The following PCDH15 variants were observed in gnomAD, a reference collection of about 807,000 sequenced individuals.
PCDH15 encodes protocadherin-15.
PCDH15 carries 129 observed loss-of-function variants against 178.5 expected under a neutral mutation model. That is an observed-to-expected ratio of 0.72 (90% CI 0.63 to 0.84). The LOEUF (loss-of-function observed/expected upper bound fraction) is 0.84, where lower values mean the gene tolerates loss of function less well. Among genes scored for constraint, PCDH15 ranks in the 40% least tolerant of loss-of-function variants. The pLI is 0.00. For missense variants in PCDH15, 2,230 were observed against 2,099.9 expected, an observed-to-expected ratio of 1.06 and a Z score of -1.21; for synonymous variants, 800 against 732.0, an observed-to-expected ratio of 1.09 and a Z score of -1.50.
rs2134302359 is a variant in PCDH15, at chr10:53,961,857, A to T, written c.2904T>A (p.Asp968Glu). Residue 968 changes from aspartate (D) to glutamate (E), a missense_variant, in exon 22 of 38, where the codon GAT (aspartate) becomes GAA (glutamate). By Grantham distance (45) the Asp-to-Glu change is conservative. Transcript: ENST00000644397. ...TGGCAGGGTAAGGAAACTGTACATCATCTACTCTATACCTCACACGACTTG... is the reference window on the plus strand; with the variant it reads ...TGGCAGGGTAAGGAAACTGTACATCTTCTACTCTATACCTCACACGACTTG... ...LPASRVRYRV[D>E]DVQFPYPASI... 2.5e-6 allele frequency: 4 copies of T among 1,610,568 alleles called. No individual in the cohort carries two copies. The highest frequency in any genetic ancestry group is 1.7e-4 in the Middle Eastern group (1 of 6,050).
intron 18 of PCDH15, among the ~76,000 whole-genome samples, chr10:54,056,357 T>A (rs2093887235): frequency 6.6e-6 from 1 of 152,158 alleles, no homozygotes; most frequent in Admixed American, 6.5e-5. Flanking sequence ...GACTGGATAA[T>A]TTATAAAAGA....
intron 2 of PCDH15, among the ~76,000 whole-genome samples, chr10:55,158,059 A>AGTGTGTGTGT (rs1564847283): frequency 2.7e-4 from 15 of 56,196 alleles, no homozygotes; most frequent in Admixed American, 2.0e-3. Context: ...AAATCACACA[A>AGTGTGTGTGT]ATATGTGTGT....
At chr10:55,547,910 T>TGTGTGAGAGAGAGAGAGAGAGAGAGA (rs541144266) in intron 2 of PCDH15, among the ~76,000 whole-genome samples, 2 of 54,526 alleles carry the variant, frequency 3.7e-5, no homozygotes, top group East Asian at 5.5e-4. Flanking sequence ...TGTGTGTGTG[T>TGTGTGAGAGAGAGAGAGAGAGAGAGA]GAGAGAGAGA....
intron 2 of PCDH15, among the ~76,000 whole-genome samples, chr10:55,126,633 C>G (rs11004742): frequency 4.7e-5 from 7 of 150,484 alleles, no homozygotes; most frequent in Admixed American, 2.6e-4. Flanking sequence ...CTCAAAAAAA[C>G]AAAAAAAAGA....
In PCDH15 at chr10:54,162,480, T is replaced by G. The variant is rs150234518; in HGVS notation, c.1591-9187A>C. Among the ~76,000 whole-genome samples the G allele has an allele frequency of 7.6e-4, 115 of 152,252 alleles. 1 individual carries two copies. The highest frequency in any genetic ancestry group is 1.5e-3 in the Non-Finnish European group (99 of 68,000). The stretch of plus-strand genomic sequence containing the variant: ...TAATCAGTAGAAGAGAAGGTGAAAT[T>G]GTGGAATATAGAATGGAGAGCACAC... On this transcript the variant is annotated intron_variant, in intron 13 of 37. Coordinates refer to ENST00000644397, the MANE Select transcript of PCDH15 (RefSeq NM_001384140.1).
intron 2 of PCDH15, among the ~76,000 whole-genome samples, chr10:55,458,750 T>G (rs1247039023): frequency 6.6e-6 from 1 of 151,862 alleles, no homozygotes; most frequent in African/African-American, 2.4e-5. Flanking sequence ...TAAAGCAGAG[T>G]TCCTTTGCAG....
intron 2 of PCDH15, among the ~76,000 whole-genome samples, chr10:54,906,983 T>A (rs1954735031): frequency 6.6e-6 from 1 of 152,130 alleles, no homozygotes; most frequent in South Asian, 2.1e-4. Context: ...AAAAGTGAGT[T>A]TAATTACAAT....
chr10:55,441,335 C>A (rs1030211952), intron 2 of PCDH15, among the ~76,000 whole-genome samples: 3 of 152,052 alleles, frequency 2.0e-5, no homozygotes, highest in Non-Finnish European at 4.4e-5. Flanking sequence ...GACCACCTAG[C>A]CTTTGTGTTT....
intron 11 of PCDH15, among the ~76,000 whole-genome samples, chr10:54,190,460 G>A (rs1022957207): frequency 6.6e-6 from 1 of 152,222 alleles, no homozygotes; most frequent in Non-Finnish European, 1.5e-5. Flanking sequence ...CTGCAGTGCA[G>A]TGGTGCAATC....
At chr10:54,880,465 A>T (rs576827128) in intron 3 of PCDH15, among the ~76,000 whole-genome samples, 24 of 152,196 alleles carry the variant, frequency 1.6e-4, no homozygotes, top group Non-Finnish European at 2.4e-4. Flanking sequence ...AGAAATTTAG[A>T]AGCATTCTTC....
intron 2 of PCDH15, among the ~76,000 whole-genome samples, chr10:55,561,307 T>A (rs1413251275): frequency 6.6e-6 from 1 of 151,968 alleles, no homozygotes; most frequent in South Asian, 2.1e-4. Flanking sequence ...ACTAGATTAA[T>A]GTGAAACCCT....
intron 2 of PCDH15, among the ~76,000 whole-genome samples, chr10:55,396,025 T>C (rs1426479561): frequency 6.6e-6 from 1 of 151,980 alleles, no homozygotes; most frequent in Non-Finnish European, 1.5e-5. Flanking sequence ...AATACAATTT[T>C]ACAAAAAAAT....
intron 2 of PCDH15, among the ~76,000 whole-genome samples, chr10:54,916,691 T>C (rs1001603310): frequency 1.3e-5 from 2 of 152,184 alleles, no homozygotes; most frequent in East Asian, 3.8e-4. Context: ...TCACCTTTTA[T>C]ATCTATCTCC....
At chr10:55,100,658 G>A (rs549703642) in intron 2 of PCDH15, among the ~76,000 whole-genome samples, 98 of 152,174 alleles carry the variant, frequency 6.4e-4, no homozygotes, top group African/African-American at 2.0e-3. Context: ...TTAACAGCCA[G>A]CTCTCATGCG....
chr10:55,617,259 C>G (rs982471581), intron 2 of PCDH15, among the ~76,000 whole-genome samples: 1 of 151,964 alleles, frequency 6.6e-6, no homozygotes, highest in Non-Finnish European at 1.5e-5. Context: ...ATTTAATTTA[C>G]AAGTTTTAGA....
intron 26 of PCDH15, among the ~76,000 whole-genome samples, chr10:53,871,868 C>T (rs1330367891): frequency 1.3e-5 from 2 of 152,076 alleles, no homozygotes; most frequent in East Asian, 1.9e-4. Context: ...ATTCTCCTGC[C>T]TTAGCCTCCC....
chr10:53,823,812 CA>C, intron 32 of PCDH15: 1 of 456,142 alleles, frequency 2.2e-6, no homozygotes, highest in Non-Finnish European at 4.4e-6. Flanking sequence ...GTCCTAGAGC[CA>C]AAAGTAATCT....
At chr10:55,531,176 T>C (rs1565229249) in intron 2 of PCDH15, among the ~76,000 whole-genome samples, 1 of 151,964 alleles carries the variant, frequency 6.6e-6, no homozygotes, top group Admixed American at 6.6e-5. Flanking sequence ...CAAATCTGCA[T>C]AAAAGATGTA....
intron 14 of PCDH15, among the ~76,000 whole-genome samples, chr10:54,136,018 AG>A (rs1187476848): frequency 1.3e-5 from 2 of 152,230 alleles, no homozygotes; most frequent in Non-Finnish European, 2.9e-5. Context: ...CTCTATGAAT[AG>A]TGCAAACGAT....
Sources: gnomAD v4.1 joint callset for allele counts (sites outside exome capture counted in the v4.1 genomes callset) on GRCh38, gnomAD v4.1.1 for gene constraint, MANE v1.5 for transcripts, NCBI Gene and HGNC (gene_info 2026-07-23, HGNC 2026-07-21) for gene names.